Variants in CALN1 observed in about 807,000 individuals in gnomAD.
CALN1 encodes calcium-binding protein 8.
Under a neutral mutation model 30.6 loss-of-function variants are expected in CALN1, and 17 were observed. That is an observed-to-expected ratio of 0.56 (90% CI 0.38 to 0.83). The LOEUF is 0.83. Among genes scored for constraint, CALN1 ranks in the 40% least tolerant of loss-of-function variants. The pLI is 0.00. For synonymous variants in CALN1, 156 were observed against 131.4 expected, an observed-to-expected ratio of 1.19 and a Z score of -1.28; for missense variants, 291 against 354.9, an observed-to-expected ratio of 0.82 and a Z score of 1.45.
At chr7:72,306,255 G>C (rs1239209304) in intron 2 of CALN1, among the ~76,000 whole-genome samples, 3 of 152,180 alleles carry the variant, frequency 2.0e-5, no homozygotes, top group Non-Finnish European at 2.9e-5. Flanking sequence ...CATCTGTAAA[G>C]AATCTCTATT....
chr7:72,242,357 T>C lies in CALN1; in HGVS notation c.244+36329A>G, dbSNP rs193231529. 5.3e-5 allele frequency among the ~76,000 whole-genome samples: 8 copies of C among 152,316 alleles called. No individual in the cohort carries two copies. In the East Asian group the frequency reaches 9.6e-4, roughly 18 times the overall value. On this transcript the variant is annotated intron_variant, in intron 3 of 6. Transcript: ENST00000395275. ...CTTTCCATCCTTTGGGGTATAGGCA[T>C]AAATTGATGGATAATATGGTAACTT...
chr7:72,105,506 A>C (rs541136390), intron 4 of CALN1, among the ~76,000 whole-genome samples: 6 of 151,754 alleles, frequency 4.0e-5, no homozygotes, highest in Admixed American at 6.6e-5. Context: ...TTTTGCTTCT[A>C]GTCTGGAGCT....
At chr7:72,092,471 G>A (rs899619949) in intron 4 of CALN1, among the ~76,000 whole-genome samples, 7 of 151,740 alleles carry the variant, frequency 4.6e-5, no homozygotes, top group East Asian at 3.9e-4. Flanking sequence ...CACACATTCC[G>A]TGTCATTCAA....
intron 5 of CALN1, among the ~76,000 whole-genome samples, chr7:71,981,325 G>C (rs867962015): frequency 1.3e-5 from 2 of 151,852 alleles, no homozygotes; most frequent in Non-Finnish European, 1.5e-5. Context: ...TTCCAGAGAG[G>C]GTCCTCCCCT....
In CALN1 at chr7:71,882,477, G is replaced by A. The variant is rs189525100; in HGVS notation, c.502-71985C>T. Among the ~76,000 whole-genome samples, 751 of 152,238 alleles carry A rather than the reference G, an allele frequency of 4.9e-3. 6 individuals carry two copies. The highest frequency in any genetic ancestry group is 0.017 in the African/African-American group (720 of 41,536). On this transcript the variant is annotated intron_variant, in intron 5 of 6. Transcript: ENST00000395275. ...GACATCTTGGAAGGGCCATGATTCA[G>A]CCCACCACACCTGCTTAAATTAGCT... is the stretch of plus-strand genomic sequence containing the variant.
At position 72,370,716 on chromosome 7, in the gene CALN1, A is replaced by G. The variant is rs187704212; in HGVS notation, c.119+32535T>C. Among the ~76,000 whole-genome samples the G allele has an allele frequency of 1.7e-4, 25 of 151,348 alleles. 1 individual carries two copies. The highest frequency in any genetic ancestry group is 1.6e-3 in the Admixed American group (25 of 15,220). On this transcript the variant is annotated intron_variant, in intron 2 of 6. Coordinates refer to ENST00000395275, the MANE Select transcript of CALN1 (RefSeq NM_031468.4). ...ATTGACAAATTTTTTTTCTGAGTTCATGGCTTTTCTTTTCATTCTCTCAAC... is the reference window on the plus strand; with the variant it reads ...ATTGACAAATTTTTTTTCTGAGTTCGTGGCTTTTCTTTTCATTCTCTCAAC...
At chr7:72,239,964 C>A (rs1034899104) in intron 3 of CALN1, among the ~76,000 whole-genome samples, 3 of 152,152 alleles carry the variant, frequency 2.0e-5, no homozygotes, top group Non-Finnish European at 4.4e-5. Flanking sequence ...TTCTATTCGA[C>A]CATGCTGAAA....
At chr7:71,788,819 G>A (rs555871717) in intron 6 of CALN1, among the ~76,000 whole-genome samples, 30 of 151,924 alleles carry the variant, frequency 2.0e-4, no homozygotes, top group Non-Finnish European at 3.2e-4. Flanking sequence ...CACCATGCCC[G>A]GCTAATTTTT....
intron 2 of CALN1, among the ~76,000 whole-genome samples, chr7:72,396,914 A>C (rs571020790): frequency 1.3e-5 from 2 of 152,220 alleles, no homozygotes; most frequent in South Asian, 4.2e-4. Context: ...TAGTAAAAGT[A>C]GTAGTAGAAC....
At chr7:71,828,002 C>T (rs372332422) in intron 5 of CALN1, among the ~76,000 whole-genome samples, 1 of 151,992 alleles carries the variant, frequency 6.6e-6, no homozygotes, top group Admixed American at 6.6e-5. Flanking sequence ...TGTGTTTCCA[C>T]AATGAATATG....
At chr7:72,414,125 T>C (rs553836571), upstream of CALN1, among the ~76,000 whole-genome samples, 6 of 152,234 alleles carry the variant, frequency 3.9e-5, no homozygotes, top group African/African-American at 1.4e-4. Flanking sequence ...ATGAGACGGA[T>C]TCACTCATTG....
intron 3 of CALN1, among the ~76,000 whole-genome samples, chr7:72,217,911 C>T (rs1368893220): frequency 5.2e-5 from 7 of 135,192 alleles, no homozygotes; most frequent in African/African-American, 2.0e-4. Context: ...GGCACTATCT[C>T]GGCTCACTGC....
At chr7:72,105,329 C>A (rs1360369722) in intron 4 of CALN1, among the ~76,000 whole-genome samples, 1 of 152,200 alleles carries the variant, frequency 6.6e-6, no homozygotes, top group Non-Finnish European at 1.5e-5. Context: ...CTGTTCCCTG[C>A]AGCCTCTTGC....
Position 72,112,878 on chromosome 7 carries a change from T to A in CALN1, c.245-6584A>T, listed in dbSNP as rs148838950. On this transcript the variant is annotated intron_variant, in intron 3 of 6. Transcript: ENST00000395275. ...AAGTATACACAAAATCCCACGGAGG[T>A]CGAGATGTTGAAGGGACAACTCTGA... Among the ~76,000 whole-genome samples, 3 of 152,026 alleles carry A rather than the reference T, an allele frequency of 2.0e-5. No homozygotes were observed. The East Asian group carries it at 5.8e-4, about 29-fold the overall frequency.
At chr7:72,376,593 T>A (rs1804569628) in intron 2 of CALN1, among the ~76,000 whole-genome samples, 1 of 152,256 alleles carries the variant, frequency 6.6e-6, no homozygotes, top group African/African-American at 2.4e-5. Flanking sequence ...AAGTTCTTTA[T>A]ATTCTCTACA....
At chr7:71,846,672 G>A (rs969592188) in intron 5 of CALN1, among the ~76,000 whole-genome samples, 11 of 149,802 alleles carry the variant, frequency 7.3e-5, no homozygotes, top group Admixed American at 2.7e-4. Context: ...TATTCTGTGG[G>A]GTTTTATTTA....
At chr7:71,971,930 C>CAAAAAAAAAAAA (rs764756514) in intron 5 of CALN1, among the ~76,000 whole-genome samples, 5 of 38,556 alleles carry the variant, frequency 1.3e-4, no homozygotes, top group Non-Finnish European at 2.5e-4. Flanking sequence ...GACCCTGTCT[C>CAAAAAAAAAAAA]AAAAAAAAAA....
chr7:72,467,145 A>G, the CALN1 span, among the ~76,000 whole-genome samples: 4 of 152,178 alleles, frequency 2.6e-5, no homozygotes. Context: ...CGCACACCTC[A>G]GATGTGTCTG....
At chr7:72,395,074 C>CAT (rs1231064945) in intron 2 of CALN1, among the ~76,000 whole-genome samples, 1 of 152,156 alleles carries the variant, frequency 6.6e-6, no homozygotes. Context: ...TATCCTAACA[C>CAT]ATAAACTCTA....
Sources: allele counts gnomAD v4.1 joint callset (sites outside exome capture counted in the v4.1 genomes callset), GRCh38; gene constraint gnomAD v4.1.1; transcripts MANE v1.5; gene names NCBI Gene and HGNC (gene_info 2026-07-23, HGNC 2026-07-21).